DROSHA: variants seen among roughly 807,000 people sequenced by gnomAD.
DROSHA encodes the protein drosha ribonuclease III, also known as ribonuclease 3.
Under a neutral mutation model 181.9 loss-of-function variants are expected in DROSHA, and 56 were observed. That is an observed-to-expected ratio of 0.31 (90% CI 0.25 to 0.38). DROSHA has a LOEUF of 0.38. Among genes scored for constraint, DROSHA ranks in the 10% least tolerant of loss-of-function variants. The pLI, the probability that DROSHA is intolerant of heterozygous loss-of-function variation, is 1.00. For synonymous variants in DROSHA, 524 were observed against 591.2 expected (o/e 0.89, Z 1.65); for missense variants, 1,218 against 1,743.5 (o/e 0.70, Z 5.37).
chr5:31,508,826 G>GTTTTTTT, intron 9 of DROSHA, 51 bp from the exon 10 acceptor site: 1 of 1,401,642 alleles, frequency 7.1e-7, no homozygotes. Context: ...TAACAAACTG[G>GTTTTTTT]TTTTTTTTTT....
rs957986847 is a variant in DROSHA at position 31,406,960 on chromosome 5, A to G, written c.3855-15T>C. On this transcript the variant is annotated splice_polypyrimidine_tract_variant and intron_variant, in intron 33 of 35. Transcript: ENST00000344624. ...TCTGCAGAGTCCTGAAAGGGAAAGGAAAGAACATTTATTATGGTAAAGTGT... is the reference window on the plus strand; with the variant it reads ...TCTGCAGAGTCCTGAAAGGGAAAGGGAAGAACATTTATTATGGTAAAGTGT... 2 of 1,608,800 alleles carry G rather than the reference A, an allele frequency of 1.2e-6. No homozygotes were observed. Among genetic ancestry groups the G allele is most frequent in the African/African-American group, 1.3e-5 (1 of 74,774 alleles).
intron 11 of DROSHA, 86 bp from the exon 12 acceptor site, chr5:31,495,458 C>G: frequency 5.5e-6 from 7 of 1,267,442 alleles, no homozygotes; most frequent in Non-Finnish European, 7.7e-6. Context: ...AGATTCACAT[C>G]TAACAAAACA....
chr5:31,494,721 T>C (rs963150420), intron 12 of DROSHA, among the ~76,000 whole-genome samples: 2 of 152,138 alleles, frequency 1.3e-5, no homozygotes, highest in Admixed American at 6.5e-5. Context: ...AGTCTCACAC[T>C]GTCGCCCAGG....
chr5:31,528,163 T>C (rs1278716259), intron 4 of DROSHA, among the ~76,000 whole-genome samples: 1 of 152,168 alleles, frequency 6.6e-6, no homozygotes, highest in African/African-American at 2.4e-5. Context: ...CCAGGCACTC[T>C]GCTCACTCTC....
At chr5:31,531,392 T>C (rs998642790) in intron 2 of DROSHA, 58 bp downstream of exon 2, 3 of 152,182 alleles carry the variant, frequency 2.0e-5, no homozygotes, top group African/African-American at 4.8e-5. Context: ...ATTGAAGGCA[T>C]AGTCCGGCTG....
At position 31,526,111 on chromosome 5, in the gene DROSHA, T is replaced by C; in HGVS notation, c.822A>G (p.Thr274=). 6.2e-7 allele frequency: 1 copy of C among 1,600,376 alleles called. No individual in the cohort carries two copies. The highest frequency in any genetic ancestry group is 8.6e-7 in the Non-Finnish European group (1 of 1,168,926). ...GTTCGTAGCTGCGGTGGCGAGATGG[T>C]GTTCTCCCTCGGTCATAATCAGATC... ...RYRSDYDRGR[T]PSRHRSYERS... Residue 274 remains threonine (T), a synonymous_variant, in exon 5 of 36, where the codon ACA becomes ACG. Coordinates refer to ENST00000344624, the MANE Select transcript of DROSHA (RefSeq NM_001382508.1).
intron 28 of DROSHA, 160 bp from the exon 29 acceptor site, chr5:31,423,104 G>A: frequency 1.6e-6 from 1 of 633,618 alleles, no homozygotes; most frequent in East Asian, 3.1e-5. Flanking sequence ...TTCTTTGAAT[G>A]GCAAACAAAT....
At chr5:31,421,898 T>TATATATGCGCC (rs1554020857) in intron 29 of DROSHA, 14 of 50,470 alleles carry the variant, frequency 2.8e-4, no homozygotes, top group Admixed American at 4.9e-4. Flanking sequence ...AAAAAAAATA[T>TATATATGCGCC]ATATATATAA....
intron 26 of DROSHA, among the ~76,000 whole-genome samples, chr5:31,430,543 A>G (rs111956537): frequency 3.9e-4 from 59 of 152,336 alleles, no homozygotes; most frequent in African/African-American, 1.4e-3. Context: ...CTCACAGATG[A>G]GGAAACTGAG....
chr5:31,520,034 T>C (rs13185415), intron 6 of DROSHA, among the ~76,000 whole-genome samples: 1 of 151,998 alleles, frequency 6.6e-6, no homozygotes, highest in African/African-American at 2.4e-5. Flanking sequence ...TACTACAGAA[T>C]GAGCTGAGCT....
chr5:31,528,759 A>G (rs1043755310), intron 4 of DROSHA, among the ~76,000 whole-genome samples: 2 of 152,110 alleles, frequency 1.3e-5, no homozygotes, highest in African/African-American at 4.8e-5. Context: ...AATAATTACA[A>G]TCCACCTTCT....
chr5:31,437,805 T>C (rs1224519172), intron 23 of DROSHA, among the ~76,000 whole-genome samples: 7 of 152,118 alleles, frequency 4.6e-5, no homozygotes, highest in Non-Finnish European at 8.8e-5. Flanking sequence ...TATCTACTCA[T>C]TGGGCCCTGC....
At position 31,451,634 on chromosome 5, in the gene DROSHA, T is replaced by G; in HGVS notation, c.2581A>C (p.Met861Leu). ...GIRSDVCQHA[M>L]MLPVLTHHIR... Reference sequence around the variant, plus strand: ...TGATGGGTCAGAACAGGTAGCATCATTGCATGCTAGGAAAAAAAAAATTCA... The same window carrying G: ...TGATGGGTCAGAACAGGTAGCATCAGTGCATGCTAGGAAAAAAAAAATTCA... Residue 861 changes from methionine to leucine, a missense_variant, in exon 21 of 36, where the codon ATG (methionine) becomes CTG (leucine). Transcript: ENST00000344624. The G allele has an allele frequency of 6.2e-7, 1 of 1,608,302 alleles. No homozygotes were observed. Among genetic ancestry groups the G allele is most frequent in the Non-Finnish European group, 8.5e-7 (1 of 1,177,270 alleles).
chr5:31,469,382 A>C (rs1749483586), intron 17 of DROSHA, among the ~76,000 whole-genome samples: 1 of 152,120 alleles, frequency 6.6e-6, no homozygotes, highest in African/African-American at 2.4e-5. Flanking sequence ...ACAAAAAAAA[A>C]ACCCCTCAAA....
intron 14 of DROSHA, 130 bp downstream of exon 14, chr5:31,486,361 C>T (rs1372252634): frequency 2.1e-5 from 18 of 851,018 alleles, no homozygotes; most frequent in Non-Finnish European, 3.0e-5. Flanking sequence ...ACTCTTTCAA[C>T]AGTGAATATG....
At chr5:31,450,780 C>T (rs556380908) in intron 21 of DROSHA, among the ~76,000 whole-genome samples, 5 of 152,250 alleles carry the variant, frequency 3.3e-5, no homozygotes, top group Middle Eastern at 3.4e-3. Flanking sequence ...CTATACAATT[C>T]ATCCATGTAG....
chr5:31,483,646 G>GAAAAAA lies in DROSHA; in HGVS notation c.1997-24_1997-19dup. On this transcript the variant is annotated intron_variant, in intron 15 of 35. Transcript: ENST00000344624. ...CAAAGGACCTGAAGCAAACAAATGA[G>GAAAAAA]AAAAAAAAAAAAAAAAGAAAACTCA... 1 of 1,236,472 alleles carries GAAAAAA rather than the reference G, an allele frequency of 8.1e-7. No homozygotes were observed. 76.6% of individuals were successfully genotyped at this position (1,236,472 alleles called of 1,614,324 possible). A position where few individuals can be genotyped will look rare whatever the true frequency, so the allele number is the denominator to read the frequency against.
chr5:31,519,207 C>T (rs548274259), intron 6 of DROSHA, among the ~76,000 whole-genome samples: 1 of 152,294 alleles, frequency 6.6e-6, no homozygotes, highest in South Asian at 2.1e-4. Flanking sequence ...AACCATTAAA[C>T]CGAGGCTATT....
rs374637114 is a variant in DROSHA, at chr5:31,451,529, T to C, written c.2682+4A>G. 5.6e-6 allele frequency: 9 copies of C among 1,605,558 alleles called. No individual in the cohort carries two copies. Among genetic ancestry groups the C allele is most frequent in the Non-Finnish European group, 6.8e-6 (8 of 1,175,072 alleles). On this transcript the variant is annotated splice_donor_region_variant and intron_variant, in intron 21 of 35. Transcript: ENST00000344624. ...ATGTGAGTTTACAGGAGAATAATTC[T>C]TACCTGCAACAGACAACGATCTTGG...
Sources: gnomAD v4.1 joint callset for allele counts (sites outside exome capture counted in the v4.1 genomes callset) on GRCh38, gnomAD v4.1.1 for gene constraint, MANE v1.5 for transcripts, NCBI Gene and HGNC (gene_info 2026-07-23, HGNC 2026-07-21) for gene names.